The following TMEM184C variants were observed in gnomAD, a reference collection of about 807,000 sequenced individuals.
TMEM184C encodes the protein transmembrane protein 34.
A neutral mutation model predicts 54.5 loss-of-function variants in TMEM184C; 25 were observed. The ratio of observed to expected loss-of-function variants is 0.46; its 90% CI spans 0.33 to 0.64. TMEM184C has a LOEUF of 0.64. Ranked by LOEUF, TMEM184C falls within the 30% of genes least tolerant of loss-of-function variation. TMEM184C has a pLI of 0.02. For synonymous variants in TMEM184C, 148 were observed against 181.5 expected (o/e 0.82, Z 1.49); for missense variants, 335 against 520.3 (o/e 0.64, Z 3.46).
At chr4:147,628,963 A>T (rs1156870454) in intron 5 of TMEM184C, among the ~76,000 whole-genome samples, 1 of 152,202 alleles carries the variant, frequency 6.6e-6, no homozygotes. Context: ...TACATGTTTT[A>T]TCTCCTAGTT....
At chr4:147,631,567 A>C in intron 7 of TMEM184C, 62 bp downstream of exon 7, 1 of 1,253,976 alleles carries the variant, frequency 8.0e-7, no homozygotes, top group Non-Finnish European at 1.1e-6. Context: ...CCGTTGATTA[A>C]GGAGGATTTT....
At chr4:147,628,295 G>A (rs941434398) in intron 4 of TMEM184C, 66 bp from the exon 5 acceptor site, 8 of 1,278,074 alleles carry the variant, frequency 6.3e-6, no homozygotes, top group Non-Finnish European at 8.9e-6. Context: ...TAATTTGGAG[G>A]CTTTGGGGAA....
In TMEM184C at chr4:147,631,398, C is replaced by T. The variant is rs1732914893; in HGVS notation, c.672C>T (p.Ala224=). The T allele has an allele frequency of 1.3e-6, 2 of 1,572,768 alleles. No homozygotes were observed. Among genetic ancestry groups the T allele is most frequent in the Non-Finnish European group, 1.7e-6 (2 of 1,169,032 alleles). The change falls in exon 7 of 10, where the codon GCC becomes GCT. Residue 224 remains alanine (A), a synonymous_variant. Coordinates refer to ENST00000296582, the MANE Select transcript of TMEM184C (RefSeq NM_018241.3). ...AATGTTAATCTTGTTTCTAGTTTGCCATGTATTGTCTCCTGCTCTTTTATA... is the reference window on the plus strand; with the variant it reads ...AATGTTAATCTTGTTTCTAGTTTGCTATGTATTGTCTCCTGCTCTTTTATA... ...VIINNMSQLF[A]MYCLLLFYKV...
intron 1 of TMEM184C, among the ~76,000 whole-genome samples, chr4:147,620,317 C>A (rs58285779): frequency 0.025 from 3,873 of 152,228 alleles, 173 homozygotes; most frequent in African/African-American, 0.088. Flanking sequence ...AGTGATGAAT[C>A]AGGCTTTGTA....
At chr4:147,626,877 T>C (rs759504793) in intron 4 of TMEM184C, among the ~76,000 whole-genome samples, 2 of 152,150 alleles carry the variant, frequency 1.3e-5, no homozygotes, top group Non-Finnish European at 2.9e-5. Context: ...GGGAGACAGA[T>C]TGTGCTCAAC....
chr4:147,634,239 TTTA>T lies in TMEM184C; in HGVS notation c.1127_1129del (p.Leu376del), dbSNP rs1732970233. On this transcript the variant is annotated inframe_deletion, in exon 10 of 10. Transcript: ENST00000296582. ...ATCAAGATCAAAATGAACATACAAG[TTTA>T]TTATCATCATCATCACAAGATGCAA... The T allele has an allele frequency of 1.9e-6, 3 of 1,614,060 alleles. No individual in the cohort carries two copies. The highest frequency in any genetic ancestry group is 1.7e-6 in the Non-Finnish European group (2 of 1,179,980).
At chr4:147,630,324 G>C (rs1182410438) in intron 6 of TMEM184C, among the ~76,000 whole-genome samples, 1 of 152,022 alleles carries the variant, frequency 6.6e-6, no homozygotes, top group East Asian at 1.9e-4. Flanking sequence ...TGCATGGTTG[G>C]TATTAGAGCT....
At chr4:147,626,651 T>C (rs1333226871) in intron 4 of TMEM184C, among the ~76,000 whole-genome samples, 4 of 152,176 alleles carry the variant, frequency 2.6e-5, no homozygotes, top group African/African-American at 7.2e-5. Context: ...ATGTGTTCAT[T>C]TGACAAATAT....
rs1202897930 is a variant in TMEM184C at position 147,636,348 on chromosome 4, A to G, written c.*1914A>G. ...TACACAGTCAACTAATTTTTGACAA[A>G]GACACCAAGAAGACACATCGGGGAA... On this transcript the variant is annotated 3_prime_UTR_variant, in exon 10 of 10. Coordinates refer to ENST00000296582, the MANE Select transcript of TMEM184C (RefSeq NM_018241.3). The G allele has an allele frequency of 6.6e-6, 1 of 152,178 alleles. No homozygotes were observed. The highest frequency in any genetic ancestry group is 6.5e-5 in the Admixed American group (1 of 15,274). 9.4% of individuals were successfully genotyped at this position (152,178 alleles called of 1,614,324 possible).
At chr4:147,633,735 G>T in intron 8 of TMEM184C, 30 bp from the exon 9 acceptor site, 1 of 1,495,904 alleles carries the variant, frequency 6.7e-7, no homozygotes, top group South Asian at 1.4e-5. Flanking sequence ...AAATCCAAAG[G>T]TGGCTGTTAT....
intron 6 of TMEM184C, among the ~76,000 whole-genome samples, chr4:147,631,165 T>C (rs535233417): frequency 4.9e-4 from 75 of 152,290 alleles, no homozygotes; most frequent in African/African-American, 1.7e-3. Flanking sequence ...GTTCCCTTTA[T>C]GGAACCCAGG....
chr4:147,622,107 A>G (rs1732721349), intron 1 of TMEM184C, among the ~76,000 whole-genome samples: 1 of 150,250 alleles, frequency 6.7e-6, no homozygotes, highest in Admixed American at 6.7e-5. Context: ...GCACCCGGCT[A>G]ATTTTTTGTA....
At chr4:147,622,734 A>T (rs1301280885) in intron 1 of TMEM184C, among the ~76,000 whole-genome samples, 1 of 152,114 alleles carries the variant, frequency 6.6e-6, no homozygotes, top group Admixed American at 6.5e-5. Flanking sequence ...TAACGCCCCC[A>T]CAATCAGTAA....
intron 7 of TMEM184C, 150 bp downstream of exon 7, chr4:147,631,655 C>A: frequency 1.6e-6 from 1 of 636,384 alleles, no homozygotes; most frequent in East Asian, 3.1e-5. Context: ...AGCCCTTCTA[C>A]AATTTTCAAA....
chr4:147,631,584 G>C (rs1732918764), intron 7 of TMEM184C, 79 bp downstream of exon 7: 2 of 970,028 alleles, frequency 2.1e-6, no homozygotes, highest in Non-Finnish European at 1.6e-6. Flanking sequence ...TTTTTAAACA[G>C]TCTTAATGCG....
chr4:147,632,700 T>C, intron 7 of TMEM184C: 1 of 502,526 alleles, frequency 2.0e-6, no homozygotes, highest in Non-Finnish European at 3.5e-6. Flanking sequence ...TGACTCCCTA[T>C]CTTGAGACAA....
At position 147,633,466 on chromosome 4, in the gene TMEM184C, G is replaced by C. The variant is rs186490206; in HGVS notation, c.880-299G>C. On this transcript the variant is annotated intron_variant, in intron 8 of 9. Transcript: ENST00000296582. ...AAAAATAAAATACTTAGCCAGGCAT[G>C]ACAGCACATGCCTATACTCCTAGTT... 1.4e-3 allele frequency among the ~76,000 whole-genome samples: 213 copies of C among 151,806 alleles called. 3 individuals carry two copies. The highest frequency in any genetic ancestry group is 2.9e-4 in the Non-Finnish European group (20 of 67,948).
chr4:147,635,632 T>C lies in TMEM184C; in HGVS notation c.*1198T>C, dbSNP rs1733014457. Reference sequence around the variant, plus strand: ...ATACTCATTCATATCTATCTATATATATAGAGAGAGATAGTGGTTCACAGT... The same window carrying C: ...ATACTCATTCATATCTATCTATATACATAGAGAGAGATAGTGGTTCACAGT... On this transcript the variant is annotated 3_prime_UTR_variant, in exon 10 of 10. Transcript: ENST00000296582. 1.3e-5 allele frequency: 2 copies of C among 152,176 alleles called. No homozygotes were observed. The highest frequency in any genetic ancestry group is 1.3e-4 in the Admixed American group (2 of 15,274). 9.4% of individuals were successfully genotyped at this position (152,176 alleles called of 1,614,324 possible). A position where few individuals can be genotyped will look rare whatever the true frequency, so the allele number is the denominator to read the frequency against.
In TMEM184C at chr4:147,621,033, A is replaced by G. The variant is rs761840637; in HGVS notation, c.124-2801A>G. Among the ~76,000 whole-genome samples, 28 of 152,344 alleles carry G rather than the reference A, an allele frequency of 1.8e-4. 1 individual carries two copies. The highest frequency in any genetic ancestry group is 7.7e-4 in the East Asian group (4 of 5,192). ...AGTTCTGGAAGCTCATCCCATGCCC[A>G]TGGTGGGGCATATACCCATTTATTG... On this transcript the variant is annotated intron_variant, in intron 1 of 9. Coordinates refer to ENST00000296582, the MANE Select transcript of TMEM184C (RefSeq NM_018241.3).
Sources: gnomAD v4.1 joint callset for allele counts (sites outside exome capture counted in the v4.1 genomes callset) on GRCh38, gnomAD v4.1.1 for gene constraint, MANE v1.5 for transcripts, NCBI Gene and HGNC (gene_info 2026-07-23, HGNC 2026-07-21) for gene names.